Variants in CD36 observed in about 807,000 individuals in gnomAD.
The protein encoded by CD36 is platelet glycoprotein 4.
CD36 carries 119 observed loss-of-function variants against 55.2 expected under a neutral mutation model. The ratio of observed to expected loss-of-function variants is 2.15; its 90% CI spans 1.86 to 2.51. CD36 has a LOEUF of 2.51. Among genes scored for constraint, CD36 ranks in the 30% most tolerant of loss-of-function variants. The pLI, the probability that CD36 is intolerant of heterozygous loss-of-function variation, is 0.00. For synonymous variants in CD36, 186 were observed against 193.6 expected (o/e 0.96, Z 0.33); for missense variants, 819 against 555.5 (o/e 1.47, Z -4.77).
intron 7 of CD36, chr7:80,666,165 G>A (rs1797072649): frequency 5.0e-6 from 2 of 399,138 alleles, no homozygotes; most frequent in African/African-American, 4.1e-5. Context: ...CTAAGTTTCT[G>A]ATAAATGTTT....
chr7:80,650,722 A>G (rs1795538524), intron 3 of CD36, among the ~76,000 whole-genome samples: 1 of 152,142 alleles, frequency 6.6e-6, no homozygotes, highest in Non-Finnish European at 1.5e-5. Flanking sequence ...GATACCTTCC[A>G]ATTCTGAAAG....
At chr7:80,628,939 A>G (rs143102168) in intron 1 of CD36, among the ~76,000 whole-genome samples, 285 of 152,198 alleles carry the variant, frequency 1.9e-3, no homozygotes, top group African/African-American at 6.7e-3. Flanking sequence ...TAGCTTCTCC[A>G]AAGAAGGCAA....
At position 80,669,976 on chromosome 7, in the gene CD36, G is replaced by C; in HGVS notation, c.772G>C (p.Val258Leu). 6.2e-7 allele frequency: 1 copy of C among 1,612,498 alleles called. No homozygotes were observed. The highest frequency in any genetic ancestry group is 8.5e-7 in the Non-Finnish European group (1 of 1,178,752). Residue 258 changes from valine to leucine, a missense_variant, in exon 9 of 15, where the codon GTT (valine) becomes CTT (leucine). Transcript: ENST00000447544. Reference sequence around the variant, plus strand: ...AGATGCAGCCTCATTTCCACCTTTTGTTGAGAAAAGCCAGGTATTGCAGTT... The same window carrying C: ...AGATGCAGCCTCATTTCCACCTTTTCTTGAGAAAAGCCAGGTATTGCAGTT... ...GTDAASFPPF[V>L]EKSQVLQFFS... is the part of the protein sequence containing the mutation.
intron 1 of CD36, among the ~76,000 whole-genome samples, chr7:80,642,581 T>C (rs1177995479): frequency 1.3e-5 from 2 of 152,094 alleles, no homozygotes; most frequent in Non-Finnish European, 2.9e-5. Flanking sequence ...TTTTGTCATA[T>C]GCAGCTTAAG....
chr7:80,611,358 ATC>A (rs1175230639), intron 1 of CD36, among the ~76,000 whole-genome samples: 1 of 151,938 alleles, frequency 6.6e-6, no homozygotes, highest in Non-Finnish European at 1.5e-5. Context: ...ACCCATAATA[ATC>A]TCTCCTATTT....
chr7:80,664,883 T>G (rs1796906220), intron 7 of CD36, among the ~76,000 whole-genome samples: 1 of 151,824 alleles, frequency 6.6e-6, no homozygotes, highest in African/African-American at 2.4e-5. Flanking sequence ...ATCAACTGAT[T>G]GTGTAGTAGA....
rs146447885 is a variant in CD36, at chr7:80,666,134, A to G, written c.702-309A>G. On this transcript the variant is annotated intron_variant, in intron 7 of 14. Coordinates refer to ENST00000447544, the MANE Select transcript of CD36 (RefSeq NM_001001548.3). ...TTCATGTATCCCATTGGAAAAAAAA[A>G]AATTTCCCCTAAGTAGAGATCTAAG... 61 of 334,298 alleles carry G rather than the reference A, an allele frequency of 1.8e-4. 2 individuals carry two copies. The Middle Eastern group carries it at 4.1e-3, about 23-fold the overall frequency. 20.7% of individuals were successfully genotyped at this position (334,298 alleles called of 1,614,324 possible). A position where few individuals can be genotyped will look rare whatever the true frequency, so the allele number is the denominator to read the frequency against.
At chr7:80,615,205 G>A (rs1407823343) in intron 1 of CD36, among the ~76,000 whole-genome samples, 2 of 152,144 alleles carry the variant, frequency 1.3e-5, no homozygotes, top group Non-Finnish European at 1.5e-5. Context: ...ATTAGTCATC[G>A]AGCTGAATTT....
rs1562833710 is a variant in CD36 at position 80,678,986 on chromosome 7, T to TG, written c.*2604dup. On this transcript the variant is annotated 3_prime_UTR_variant, in exon 15 of 15. Coordinates refer to ENST00000447544, the MANE Select transcript of CD36 (RefSeq NM_001001548.3). The stretch of plus-strand genomic sequence containing the variant: ...TTCTGTTTGAAGTCCAATGTATTAG[T>TG]GACTCTGTGGCTGCTCTCTTCACCT... 2.6e-5 allele frequency: 4 copies of TG among 152,210 alleles called. No individual in the cohort carries two copies. Among genetic ancestry groups the TG allele is most frequent in the African/African-American group, 9.7e-5 (4 of 41,438 alleles). The allele number at this position is 152,210 out of a possible 1,614,324, so 9.4% of individuals were successfully genotyped here. A position where few individuals can be genotyped will look rare whatever the true frequency, so the allele number is the denominator to read the frequency against.
Position 80,673,336 on chromosome 7 carries a change from T to C in CD36, c.1200-19T>C, listed in dbSNP as rs1423721188. 1 of 1,160,696 alleles carries C rather than the reference T, an allele frequency of 8.6e-7. No homozygotes were observed. The highest frequency in any genetic ancestry group is 1.3e-6 in the Non-Finnish European group (1 of 782,208). The allele number at this position is 1,160,696 out of a possible 1,614,324, so 71.9% of individuals were successfully genotyped here. On this transcript the variant is annotated intron_variant, in intron 12 of 14. Coordinates refer to ENST00000447544, the MANE Select transcript of CD36 (RefSeq NM_001001548.3). ...ATATTAGTTTATATGTTCATAATTA[T>C]TTTCAACGTATATTACAGAGTATTA... is the stretch of plus-strand genomic sequence containing the variant.
chr7:80,640,306 A>G (rs1448216590), intron 1 of CD36, among the ~76,000 whole-genome samples: 3 of 152,026 alleles, frequency 2.0e-5, no homozygotes, highest in Non-Finnish European at 2.9e-5. Context: ...ACTTTTGTAA[A>G]ATATACACAT....
At chr7:80,675,728 G>T (rs897702922) in intron 14 of CD36, among the ~76,000 whole-genome samples, 1 of 152,144 alleles carries the variant, frequency 6.6e-6, no homozygotes, top group African/African-American at 2.4e-5. Flanking sequence ...TCTTTGGGCA[G>T]ATTTGTAAAC....
intron 1 of CD36, among the ~76,000 whole-genome samples, chr7:80,645,500 C>T (rs887505417): frequency 1.3e-5 from 2 of 151,630 alleles, no homozygotes; most frequent in African/African-American, 4.8e-5. Flanking sequence ...GGCATGGTGG[C>T]GTGCACCTGT....
At chr7:80,606,925 T>G (rs903192708) in intron 1 of CD36, among the ~76,000 whole-genome samples, 1 of 152,138 alleles carries the variant, frequency 6.6e-6, no homozygotes, top group Non-Finnish European at 1.5e-5. Context: ...TGAATGTTCC[T>G]TCCCCTTCAG....
In CD36 at chr7:80,673,995, G is replaced by A. The variant is rs779707713; in HGVS notation, c.1267G>A (p.Gly423Ser). ...ILWLNETGTI[G>S]DEKANMFRSQ... ...AACTTGATTACAGACTGGGACCATT[G>A]GTGATGAGAAGGCAAACATGTTCAG... The change falls in exon 14 of 15, where the codon GGT (glycine) becomes AGT (serine). Residue 423 changes from glycine (G) to serine (S), a missense_variant. By Grantham distance (56) the Gly-to-Ser change is moderately conservative. Transcript: ENST00000447544. The A allele has an allele frequency of 7.4e-6, 12 of 1,611,504 alleles. No individual in the cohort carries two copies. Among genetic ancestry groups the A allele is most frequent in the Non-Finnish European group, 1.0e-5 (12 of 1,178,212 alleles).
intron 8 of CD36, among the ~76,000 whole-genome samples, chr7:80,667,756 T>TTTTTTTTG (rs1797255471): frequency 1.5e-5 from 2 of 137,872 alleles, no homozygotes; most frequent in African/African-American, 2.8e-5. Context: ...TGTTTTTTTT[T>TTTTTTTTG]TTTTTTTTTT....
At chr7:80,608,134 G>A (rs1417421824) in intron 1 of CD36, among the ~76,000 whole-genome samples, 1 of 152,058 alleles carries the variant, frequency 6.6e-6, no homozygotes, top group Non-Finnish European at 1.5e-5. Context: ...CCAAATGAGT[G>A]TCTTTTACTA....
chr7:80,668,097 T>C (rs920725759), intron 8 of CD36, among the ~76,000 whole-genome samples: 3 of 152,130 alleles, frequency 2.0e-5, no homozygotes, highest in Admixed American at 2.0e-4. Flanking sequence ...AGCTATTTTC[T>C]AAGTAAAGCA....
rs1562825696 is a variant in CD36, at chr7:80,672,840, T to G, written c.1196T>G (p.Ile399Ser). ...VNLLVKPSEK[I>S]QVLKNLKRNY... ...CTATTGGTCAAGCCATCAGAAAAAA[T>G]TCAGTGAGTCTCTTGAAAATGGTTA... The change falls in exon 12 of 15, where the codon ATT becomes AGT. Residue 399 changes from isoleucine (I) to serine (S), a missense_variant. Coordinates refer to ENST00000447544, the MANE Select transcript of CD36 (RefSeq NM_001001548.3). The G allele has an allele frequency of 6.2e-7, 1 of 1,605,948 alleles. No individual in the cohort carries two copies. Among genetic ancestry groups the G allele is most frequent in the Non-Finnish European group, 8.5e-7 (1 of 1,173,708 alleles).
Sources: gnomAD v4.1 joint callset for allele counts (sites outside exome capture counted in the v4.1 genomes callset) on GRCh38, gnomAD v4.1.1 for gene constraint, MANE v1.5 for transcripts, NCBI Gene and HGNC (gene_info 2026-07-23, HGNC 2026-07-21) for gene names.